UNC5D: variants seen among roughly 807,000 people sequenced by gnomAD.
The protein encoded by UNC5D is netrin receptor UNC5D.
UNC5D carries 39 observed loss-of-function variants against 105.4 expected under a neutral mutation model. The ratio of observed to expected loss-of-function variants is 0.37; its 90% CI spans 0.29 to 0.48. The LOEUF (loss-of-function observed/expected upper bound fraction) is 0.48, where lower values mean the gene tolerates loss of function less well. Ranked by LOEUF, UNC5D falls within the 20% of genes least tolerant of loss-of-function variation. The pLI is 0.98. For synonymous variants in UNC5D, 452 were observed against 450.4 expected (o/e 1.00, Z -0.04); for missense variants, 991 against 1,202.4 (o/e 0.82, Z 2.60).
At chr8:35,637,700 G>T (rs567255683) in intron 4 of UNC5D, among the ~76,000 whole-genome samples, 1 of 152,258 alleles carries the variant, frequency 6.6e-6, no homozygotes, top group South Asian at 2.1e-4. Flanking sequence ...TGTTTGCATT[G>T]CCATCTCTTG....
chr8:35,534,678 C>G (rs1224208560), intron 1 of UNC5D, among the ~76,000 whole-genome samples: 3 of 151,778 alleles, frequency 2.0e-5, no homozygotes, highest in Non-Finnish European at 4.4e-5. Flanking sequence ...CAGAATAGGT[C>G]CTTCCTGGGA....
chr8:35,668,481 C>T (rs1311512264), intron 4 of UNC5D, among the ~76,000 whole-genome samples: 29 of 152,152 alleles, frequency 1.9e-4, no homozygotes, highest in Admixed American at 1.8e-3. Flanking sequence ...GTCTTTATGG[C>T]TTCTCGTTTT....
At chr8:35,287,523 G>T (rs1806690635) in intron 1 of UNC5D, among the ~76,000 whole-genome samples, 1 of 148,810 alleles carries the variant, frequency 6.7e-6, no homozygotes, top group South Asian at 2.2e-4. Flanking sequence ...GACTGGATAT[G>T]GTGGCACGTG....
At chr8:35,380,199 GAGA>G (rs1247598445) in intron 1 of UNC5D, among the ~76,000 whole-genome samples, 1 of 123,128 alleles carries the variant, frequency 8.1e-6, no homozygotes, top group African/African-American at 3.5e-5. Context: ...GACCGAGAGG[GAGA>G]GAGAGAGAGA....
chr8:35,666,848 T>C (rs1824455802), intron 4 of UNC5D, among the ~76,000 whole-genome samples: 1 of 152,190 alleles, frequency 6.6e-6, no homozygotes, highest in African/African-American at 2.4e-5. Flanking sequence ...CATTTAAATT[T>C]CCCTCTGTGG....
intron 1 of UNC5D, among the ~76,000 whole-genome samples, chr8:35,432,025 ACTT>A (rs1379781599): frequency 6.6e-6 from 1 of 152,142 alleles, no homozygotes; most frequent in African/African-American, 2.4e-5. Context: ...TTTAATTTAA[ACTT>A]CTTTATTAAG....
intron 4 of UNC5D, among the ~76,000 whole-genome samples, chr8:35,659,738 T>A (rs1484152439): frequency 6.6e-6 from 1 of 152,248 alleles, no homozygotes; most frequent in African/African-American, 2.4e-5. Flanking sequence ...GAATGGCTTC[T>A]AATTGGTGCC....
intron 1 of UNC5D, among the ~76,000 whole-genome samples, chr8:35,400,112 A>T (rs887605002): frequency 3.9e-5 from 6 of 152,128 alleles, no homozygotes; most frequent in Non-Finnish European, 5.9e-5. Context: ...GAGCTGGGGC[A>T]TTCATGACAT....
chr8:35,580,402 T>C (rs1242419233), intron 3 of UNC5D, among the ~76,000 whole-genome samples: 1 of 151,770 alleles, frequency 6.6e-6, no homozygotes, highest in Non-Finnish European at 1.5e-5. Flanking sequence ...TACTACACAA[T>C]CTCTACCTTA....
chr8:35,646,090 G>A (rs781292325), intron 4 of UNC5D, among the ~76,000 whole-genome samples: 17 of 152,126 alleles, frequency 1.1e-4, no homozygotes, highest in Admixed American at 3.9e-4. Context: ...ATTAAGCAAT[G>A]TTTTTATATA....
At chr8:35,339,642 G>A (rs756007938) in intron 1 of UNC5D, among the ~76,000 whole-genome samples, 8 of 152,300 alleles carry the variant, frequency 5.3e-5, no homozygotes, top group Non-Finnish European at 1.2e-4. Context: ...ATAGTGTGTC[G>A]GAGTAGAACA....
intron 1 of UNC5D, among the ~76,000 whole-genome samples, chr8:35,526,786 C>T (rs1270889929): frequency 1.3e-5 from 2 of 151,494 alleles, no homozygotes; most frequent in East Asian, 3.9e-4. Flanking sequence ...TGCCTCCCCT[C>T]ATTAAAAAAA....
At chr8:35,538,088 C>A (rs913956623) in intron 1 of UNC5D, among the ~76,000 whole-genome samples, 4 of 151,790 alleles carry the variant, frequency 2.6e-5, no homozygotes, top group African/African-American at 9.7e-5. Context: ...TATGGAAGAA[C>A]AAAGAAGAGG....
intron 1 of UNC5D, among the ~76,000 whole-genome samples, chr8:35,530,994 C>G (rs1179521724): frequency 7.3e-5 from 11 of 150,618 alleles, no homozygotes; most frequent in Admixed American, 6.6e-4. Context: ...TTTCAAAAAA[C>G]CAGCTCCTGG....
At position 35,446,698 on chromosome 8, in the gene UNC5D, C is replaced by T. The variant is rs531592303; in HGVS notation, c.104-102594C>T. On this transcript the variant is annotated intron_variant, in intron 1 of 16. Coordinates refer to ENST00000404895, the MANE Select transcript of UNC5D (RefSeq NM_080872.4). ...CCTTTTCTAATTTCGCAAATTCTGACGTGGAGCATCAGTTAATTGCCCTTG... is the reference window on the plus strand; with the variant it reads ...CCTTTTCTAATTTCGCAAATTCTGATGTGGAGCATCAGTTAATTGCCCTTG... Among the ~76,000 whole-genome samples, 31 of 152,054 alleles carry T rather than the reference C, an allele frequency of 2.0e-4. 1 individual carries two copies. The highest frequency in any genetic ancestry group is 1.8e-4 in the Non-Finnish European group (12 of 67,986).
At chr8:35,620,940 C>T (rs748358858) in intron 4 of UNC5D, among the ~76,000 whole-genome samples, 2 of 152,268 alleles carry the variant, frequency 1.3e-5, no homozygotes, top group Non-Finnish European at 1.5e-5. Context: ...GGATTCTCAG[C>T]CTTAACACTG....
At chr8:35,394,529 CT>C (rs567473710) in intron 1 of UNC5D, among the ~76,000 whole-genome samples, 186 of 151,826 alleles carry the variant, frequency 1.2e-3, no homozygotes, top group Non-Finnish European at 2.2e-3. Flanking sequence ...GGGGCTTTTG[CT>C]TCCTACTTTA....
chr8:35,341,919 T>C (rs1185790662), intron 1 of UNC5D, among the ~76,000 whole-genome samples: 1 of 152,142 alleles, frequency 6.6e-6, no homozygotes, highest in Admixed American at 6.6e-5. Flanking sequence ...TAGGGCAAAA[T>C]GTCAAATACT....
intron 2 of UNC5D, among the ~76,000 whole-genome samples, chr8:35,566,447 G>T (rs1284093362): frequency 6.6e-6 from 1 of 152,060 alleles, no homozygotes; most frequent in Admixed American, 6.6e-5. Flanking sequence ...GGACTTAAAG[G>T]AAAAAGCATA....
Sources: gnomAD v4.1 joint callset for allele counts (sites outside exome capture counted in the v4.1 genomes callset) on GRCh38, gnomAD v4.1.1 for gene constraint, MANE v1.5 for transcripts, NCBI Gene and HGNC (gene_info 2026-07-23, HGNC 2026-07-21) for gene names.